REC114: variants seen among roughly 807,000 people sequenced by gnomAD.
The protein encoded by REC114 is meiotic recombination protein REC114.
A neutral mutation model predicts 31.3 loss-of-function variants in REC114; 27 were observed. That is an observed-to-expected ratio of 0.86 (90% CI 0.64 to 1.19). The LOEUF (loss-of-function observed/expected upper bound fraction) is 1.19. REC114 is among the 50% of genes most tolerant of loss of function. The pLI, the probability that REC114 is intolerant of heterozygous loss-of-function variation, is 0.00. For synonymous variants in REC114, 134 were observed against 127.7 expected, an observed-to-expected ratio of 1.05 and a Z score of -0.33; for missense variants, 344 against 326.9, an observed-to-expected ratio of 1.05 and a Z score of -0.40.
At chr15:73,541,244 A>C (rs1166717767) in intron 3 of REC114, among the ~76,000 whole-genome samples, 1 of 152,076 alleles carries the variant, frequency 6.6e-6, no homozygotes, top group Non-Finnish European at 1.5e-5. Context: ...ATTTTCACTG[A>C]CCTCTAATTG....
At position 73,556,283 on chromosome 15, in the gene REC114, G is replaced by C; in HGVS notation, c.547-19G>C. Reference sequence around the variant, plus strand: ...ATTACATTCAGCTAGTCTCCTTATTGCATGTTGTTTTATTCCAGTCCCACC... The same window carrying C: ...ATTACATTCAGCTAGTCTCCTTATTCCATGTTGTTTTATTCCAGTCCCACC... On this transcript the variant is annotated intron_variant, in intron 4 of 5. Transcript: ENST00000331090. The C allele has an allele frequency of 6.2e-7, 1 of 1,605,626 alleles. No individual in the cohort carries two copies. Among genetic ancestry groups the C allele is most frequent in the Non-Finnish European group, 8.5e-7 (1 of 1,175,130 alleles).
At chr15:73,502,632 G>A (rs1446776061) in intron 2 of REC114, among the ~76,000 whole-genome samples, 1 of 152,126 alleles carries the variant, frequency 6.6e-6, no homozygotes, top group African/African-American at 2.4e-5. Context: ...AGTAAGAGGA[G>A]GGATTGGTTT....
At chr15:73,516,051 A>T (rs2141317557) in intron 2 of REC114, among the ~76,000 whole-genome samples, 1 of 151,838 alleles carries the variant, frequency 6.6e-6, no homozygotes, top group Non-Finnish European at 1.5e-5. Context: ...CAATGGCACA[A>T]TCTCGGCTCA....
intron 2 of REC114, among the ~76,000 whole-genome samples, chr15:73,518,617 C>G (rs976758147): frequency 1.3e-5 from 2 of 152,260 alleles, no homozygotes; most frequent in South Asian, 4.1e-4. Flanking sequence ...TGGAGGTGGG[C>G]CAGGTGAAAA....
At chr15:73,496,133 C>G (rs1236750490) in intron 2 of REC114, among the ~76,000 whole-genome samples, 1 of 151,362 alleles carries the variant, frequency 6.6e-6, no homozygotes, top group East Asian at 2.0e-4. Context: ...GCAGGCAGAT[C>G]ACGAGGTCAA....
intron 2 of REC114, among the ~76,000 whole-genome samples, chr15:73,540,158 T>C (rs772507065): frequency 2.6e-5 from 4 of 152,140 alleles, no homozygotes; most frequent in Non-Finnish European, 4.4e-5. Context: ...GAATATAAAA[T>C]ATTTTGGCAA....
intron 3 of REC114, among the ~76,000 whole-genome samples, chr15:73,544,653 G>C (rs185858878): frequency 3.3e-5 from 5 of 152,326 alleles, no homozygotes; most frequent in Non-Finnish European, 5.9e-5. Flanking sequence ...CTCACTCCCA[G>C]TAACTCACGG....
chr15:73,502,033 G>A (rs1218766592), intron 2 of REC114, among the ~76,000 whole-genome samples: 3 of 152,052 alleles, frequency 2.0e-5, no homozygotes, highest in Non-Finnish European at 4.4e-5. Flanking sequence ...GCTCTCGCCT[G>A]TAATCCCAGC....
At chr15:73,444,401 G>A (rs1323647024) in intron 1 of REC114, among the ~76,000 whole-genome samples, 1 of 152,168 alleles carries the variant, frequency 6.6e-6, no homozygotes, top group Non-Finnish European at 1.5e-5. Flanking sequence ...TAAATACTTT[G>A]CTGTCATTTC....
intron 2 of REC114, among the ~76,000 whole-genome samples, chr15:73,476,746 T>C (rs1893220480): frequency 6.6e-6 from 1 of 152,222 alleles, no homozygotes; most frequent in African/African-American, 2.4e-5. Context: ...AATATTCCAT[T>C]GCATAGGTAA....
intron 1 of REC114, among the ~76,000 whole-genome samples, chr15:73,469,483 G>A (rs951068521): frequency 1.3e-5 from 2 of 151,968 alleles, no homozygotes; most frequent in African/African-American, 4.8e-5. Context: ...TGTGCAGAGT[G>A]CAGTGGTGCA....
At chr15:73,520,649 G>C (rs1367187132) in intron 2 of REC114, among the ~76,000 whole-genome samples, 1 of 152,162 alleles carries the variant, frequency 6.6e-6, no homozygotes, top group Non-Finnish European at 1.5e-5. Flanking sequence ...TTTTGCCCTG[G>C]ATATGCCTCT....
At chr15:73,503,613 C>T (rs1283331470) in intron 2 of REC114, among the ~76,000 whole-genome samples, 1 of 152,094 alleles carries the variant, frequency 6.6e-6, no homozygotes, top group East Asian at 1.9e-4. Flanking sequence ...TTGAAATAAG[C>T]AACATTAAAA....
At chr15:73,447,654 A>AATAAATAC (rs1892786403) in intron 1 of REC114, among the ~76,000 whole-genome samples, 1 of 135,748 alleles carries the variant, frequency 7.4e-6, no homozygotes, top group African/African-American at 2.7e-5. Context: ...TCTCAAAATA[A>AATAAATAC]ATAAATAAAT....
rs556178493 is a variant in REC114 at position 73,546,541 on chromosome 15, T to C, written c.334-4397T>C. ...AGGTATACTTCTATTTTTATATATTTGATGTTAAATTAAAAATTATGTTAT... is the reference window on the plus strand; with the variant it reads ...AGGTATACTTCTATTTTTATATATTCGATGTTAAATTAAAAATTATGTTAT... On this transcript the variant is annotated intron_variant, in intron 3 of 5. Coordinates refer to ENST00000331090, the MANE Select transcript of REC114 (RefSeq NM_001042367.2). 3.3e-5 allele frequency among the ~76,000 whole-genome samples: 5 copies of C among 152,044 alleles called. No homozygotes were observed. The South Asian group carries it at 1.0e-3, about 32-fold the overall frequency.
intron 2 of REC114, among the ~76,000 whole-genome samples, chr15:73,507,629 C>T (rs1035969881): frequency 6.6e-6 from 1 of 152,064 alleles, no homozygotes. Context: ...TAAATAGACA[C>T]TATATATGGG....
intron 3 of REC114, among the ~76,000 whole-genome samples, chr15:73,543,878 C>T (rs867249510): frequency 2.0e-5 from 3 of 150,898 alleles, no homozygotes; most frequent in South Asian, 2.1e-4. Context: ...GTATCTTTGA[C>T]GTCTTCCTGA....
intron 2 of REC114, among the ~76,000 whole-genome samples, chr15:73,496,380 T>C (rs1337474212): frequency 7.3e-6 from 1 of 136,154 alleles, no homozygotes; most frequent in Non-Finnish European, 1.5e-5. Context: ...AAAAAAAAAG[T>C]TGCAAAAGTA....
intron 1 of REC114, among the ~76,000 whole-genome samples, chr15:73,461,274 A>AAAT (rs1257671311): frequency 6.6e-6 from 1 of 152,044 alleles, no homozygotes; most frequent in African/African-American, 2.4e-5. Context: ...AAGTTTGTTG[A>AAAT]AATAATTTAT....
Sources: gnomAD v4.1 joint callset for allele counts (sites outside exome capture counted in the v4.1 genomes callset) on GRCh38, gnomAD v4.1.1 for gene constraint, MANE v1.5 for transcripts, NCBI Gene and HGNC (gene_info 2026-07-23, HGNC 2026-07-21) for gene names.